Variants in PAPPA observed in about 807,000 individuals in gnomAD.
PAPPA encodes the protein pappalysin-1.
In PAPPA, 60 loss-of-function variants were observed where a neutral mutation model predicts 164.0. The observed-to-expected ratio is 0.37, with a 90% confidence interval of 0.30 to 0.45. PAPPA has a LOEUF of 0.45. Among genes scored for constraint, PAPPA ranks in the 20% least tolerant of loss-of-function variants. The pLI is 1.00. For missense variants in PAPPA, 1,782 were observed against 2,087.3 expected, an observed-to-expected ratio of 0.85 and a Z score of 2.85; for synonymous variants, 875 against 814.1, an observed-to-expected ratio of 1.07 and a Z score of -1.27.
At chr9:116,254,906 C>G (rs1038815418) in intron 7 of PAPPA, among the ~76,000 whole-genome samples, 2 of 151,526 alleles carry the variant, frequency 1.3e-5, no homozygotes, top group African/African-American at 4.8e-5. Context: ...TTCATATAGC[C>G]TTCTAATTTG....
chr9:116,345,436 G>A (rs1256592728), intron 14 of PAPPA, among the ~76,000 whole-genome samples: 6 of 143,130 alleles, frequency 4.2e-5, no homozygotes, highest in Non-Finnish European at 4.5e-5. Context: ...ACATTGATGA[G>A]AAAAAAAAAA....
chr9:116,296,735 T>C (rs1462221918), intron 9 of PAPPA, among the ~76,000 whole-genome samples: 3 of 152,010 alleles, frequency 2.0e-5, no homozygotes, highest in African/African-American at 7.3e-5. Context: ...AAAACAACCT[T>C]TGTAAGGGTG....
intron 13 of PAPPA, among the ~76,000 whole-genome samples, chr9:116,340,224 G>T (rs540468425): frequency 1.2e-4 from 19 of 152,062 alleles, no homozygotes; most frequent in Non-Finnish European, 2.5e-4. Flanking sequence ...CTTTTATTTT[G>T]TTTTCCTTGT....
rs969549043 is a variant in PAPPA at position 116,220,225 on chromosome 9, G to A, written c.2111+96G>A. ...AGCAGACTTGGAGAGGGATTTTACT[G>A]CATTTCTTGTTCTTGTTCAAAAGGT... On this transcript the variant is annotated intron_variant, in intron 5 of 21. Coordinates refer to ENST00000328252, the MANE Select transcript of PAPPA (RefSeq NM_002581.5). 49 of 938,336 alleles carry A rather than the reference G, an allele frequency of 5.2e-5. No homozygotes were observed. In the African/African-American group the frequency reaches 6.5e-4, roughly 12 times the overall value. The allele number at this position is 938,336 out of a possible 1,614,324, so 58.1% of individuals were successfully genotyped here.
At chr9:116,325,613 A>G (rs755550072) in intron 10 of PAPPA, among the ~76,000 whole-genome samples, 1 of 152,138 alleles carries the variant, frequency 6.6e-6, no homozygotes, top group African/African-American at 2.4e-5. Flanking sequence ...TTGCCTTTCA[A>G]TTCCTCCAGG....
chr9:116,242,207 G>A (rs998158681), intron 7 of PAPPA, among the ~76,000 whole-genome samples: 1 of 152,074 alleles, frequency 6.6e-6, no homozygotes, highest in African/African-American at 2.4e-5. Flanking sequence ...TGGGAAGGGT[G>A]TCTAACTGAG....
At chr9:116,196,230 C>T (rs1288592547) in intron 2 of PAPPA, among the ~76,000 whole-genome samples, 2 of 152,212 alleles carry the variant, frequency 1.3e-5, no homozygotes, top group East Asian at 3.9e-4. Context: ...CTGAGGTCCT[C>T]CTTCTTTCAT....
chr9:116,284,241 G>A (rs1223970592), intron 9 of PAPPA, among the ~76,000 whole-genome samples: 2 of 152,166 alleles, frequency 1.3e-5, no homozygotes, highest in African/African-American at 4.8e-5. Context: ...AGATTGAGCA[G>A]AAATTTGAGA....
chr9:116,334,443 C>T (rs949564552), intron 12 of PAPPA, among the ~76,000 whole-genome samples: 3 of 152,060 alleles, frequency 2.0e-5, no homozygotes, highest in African/African-American at 7.2e-5. Context: ...GGGCTTTTTA[C>T]CCTGGGAAGC....
At chr9:116,338,084 C>T (rs1337666461) in intron 13 of PAPPA, among the ~76,000 whole-genome samples, 2 of 152,170 alleles carry the variant, frequency 1.3e-5, no homozygotes, top group Non-Finnish European at 2.9e-5. Context: ...GTCACACACA[C>T]ATACATGCAC....
chr9:116,366,692 T>TG (rs1467293187), intron 18 of PAPPA, among the ~76,000 whole-genome samples: 1 of 152,204 alleles, frequency 6.6e-6, no homozygotes, highest in Non-Finnish European at 1.5e-5. Flanking sequence ...GCATGGGTAG[T>TG]GCTGGCCCTA....
chr9:116,352,705 G>A lies in PAPPA; in HGVS notation c.3965-1G>A. The A allele has an allele frequency of 3.7e-6, 6 of 1,612,232 alleles. No individual in the cohort carries two copies. Among genetic ancestry groups the A allele is most frequent in the Non-Finnish European group, 4.2e-6 (5 of 1,179,760 alleles). Reference sequence around the variant, plus strand: ...TAACCCTGCTTGCCTATGTCTTCCAGGCAACAACAGCCTCCTGACCTGCAT... The same window carrying A: ...TAACCCTGCTTGCCTATGTCTTCCAAGCAACAACAGCCTCCTGACCTGCAT... On this transcript the variant is annotated splice_acceptor_variant, in intron 15 of 21. Coordinates refer to ENST00000328252, the MANE Select transcript of PAPPA (RefSeq NM_002581.5). LOFTEE classifies it high-confidence loss of function.
intron 1 of PAPPA, among the ~76,000 whole-genome samples, chr9:116,183,208 G>T (rs985290076): frequency 1.6e-4 from 25 of 152,114 alleles, no homozygotes; most frequent in Admixed American, 1.6e-3. Context: ...GAACAGCATT[G>T]TGTGTCCTGT....
chr9:116,289,121 CAT>C (rs200604980), intron 9 of PAPPA, among the ~76,000 whole-genome samples: 217 of 17,848 alleles, frequency 0.012, 7 homozygotes, highest in African/African-American at 0.038. Flanking sequence ...TATGCATATA[CAT>C]ATATATATAT....
chr9:116,207,555 A>G lies in PAPPA; in HGVS notation c.1578A>G (p.Ala526=), dbSNP rs760259699. 3 of 1,613,692 alleles carry G rather than the reference A, an allele frequency of 1.9e-6. No individual in the cohort carries two copies. In the Admixed American group the frequency reaches 5.0e-5, roughly 27 times the overall value. Residue 526 remains alanine, a synonymous_variant, in exon 3 of 22, where the codon GCA becomes GCG. Transcript: ENST00000328252. ...FFAKSSEEEL[A]GVATWPWDKE... is the part of the protein sequence containing the mutation. ...CAAAATCCTCAGAGGAGGAGTTGGCAGGAGTAGCAACTTGGCCATGGGACA... is the reference window on the plus strand; with the variant it reads ...CAAAATCCTCAGAGGAGGAGTTGGCGGGAGTAGCAACTTGGCCATGGGACA...
chr9:116,344,428 T>G, intron 13 of PAPPA, 115 bp from the exon 14 acceptor site: 1 of 1,040,052 alleles, frequency 9.6e-7, no homozygotes, highest in East Asian at 2.4e-5. Context: ...CTTTCTGTCC[T>G]CAGTCTCAAG....
chr9:116,229,215 A>C (rs990703850), intron 6 of PAPPA, among the ~76,000 whole-genome samples: 1 of 152,156 alleles, frequency 6.6e-6, no homozygotes, highest in East Asian at 1.9e-4. Flanking sequence ...AAAGTTTGGT[A>C]TGTTCACAGA....
chr9:116,245,050 A>T (rs1370190815), intron 7 of PAPPA, among the ~76,000 whole-genome samples: 6 of 152,138 alleles, frequency 3.9e-5, no homozygotes, highest in African/African-American at 1.4e-4. Flanking sequence ...TAAGTAAAAC[A>T]TCTCAGACAT....
At chr9:116,240,635 T>G (rs538240336) in intron 7 of PAPPA, among the ~76,000 whole-genome samples, 1 of 152,338 alleles carries the variant, frequency 6.6e-6, no homozygotes, top group Non-Finnish European at 1.5e-5. Context: ...ATAGATAATC[T>G]CATTTGATCT....
Sources: allele counts gnomAD v4.1 joint callset (sites outside exome capture counted in the v4.1 genomes callset), GRCh38; gene constraint gnomAD v4.1.1; transcripts MANE v1.5; gene names NCBI Gene and HGNC (gene_info 2026-07-23, HGNC 2026-07-21).